The following DIS3L2 variants were observed in gnomAD, a reference collection of about 807,000 sequenced individuals.
DIS3L2 encodes DIS3 like 3'-5' exoribonuclease 2.
DIS3L2 carries 34 observed loss-of-function variants against 97.5 expected under a neutral mutation model. The observed-to-expected ratio is 0.35, with a 90% CI of 0.27 to 0.46. DIS3L2 has a LOEUF of 0.46. DIS3L2 is among the 20% of genes least tolerant of loss of function. The pLI, the probability that DIS3L2 is intolerant of heterozygous loss-of-function variation, is 1.00. For missense variants in DIS3L2, 1,038 were observed against 1,146.0 expected (o/e 0.91, Z 1.36); for synonymous variants, 435 against 445.2 (o/e 0.98, Z 0.29).
intron 5 of DIS3L2, among the ~76,000 whole-genome samples, chr2:232,079,067 T>C (rs997302655): frequency 1.3e-5 from 2 of 152,228 alleles, no homozygotes; most frequent in African/African-American, 4.8e-5. Flanking sequence ...CATGGGCACT[T>C]CATGGAGTTT....
intron 8 of DIS3L2, 114 bp from the exon 9 acceptor site, chr2:232,163,345 G>T: frequency 1.0e-6 from 1 of 1,003,382 alleles, no homozygotes; most frequent in Non-Finnish European, 1.4e-6. Context: ...GTTTCTACTG[G>T]TGGAAGGGCA....
intron 5 of DIS3L2, among the ~76,000 whole-genome samples, chr2:232,085,270 C>A (rs552180731): frequency 5.3e-5 from 8 of 152,112 alleles, no homozygotes; most frequent in Admixed American, 3.9e-4. Context: ...TATTTAATTG[C>A]GCTTCTCACT....
At chr2:232,231,306 T>G (rs1692785959) in intron 10 of DIS3L2, among the ~76,000 whole-genome samples, 1 of 152,158 alleles carries the variant, frequency 6.6e-6, no homozygotes. Context: ...ATGAGGTAAT[T>G]GAAAGCTAAA....
At chr2:232,230,950 T>C (rs1266679237) in intron 10 of DIS3L2, among the ~76,000 whole-genome samples, 6 of 152,134 alleles carry the variant, frequency 3.9e-5, no homozygotes, top group Non-Finnish European at 8.8e-5. Flanking sequence ...CTGCCTGGGA[T>C]GCTCTCCCCC....
At chr2:232,020,170 C>T (rs1320317528) in intron 3 of DIS3L2, among the ~76,000 whole-genome samples, 2 of 152,086 alleles carry the variant, frequency 1.3e-5, no homozygotes, top group East Asian at 3.9e-4. Flanking sequence ...TGTAGGGTCT[C>T]TAGGCTATGC....
intron 6 of DIS3L2, among the ~76,000 whole-genome samples, chr2:232,103,323 T>C (rs768771333): frequency 1.7e-4 from 26 of 152,192 alleles, no homozygotes; most frequent in Non-Finnish European, 5.9e-5. Flanking sequence ...TTAATGGGAA[T>C]GCTTCCAATA....
At chr2:232,073,427 A>C (rs1455285738) in intron 5 of DIS3L2, among the ~76,000 whole-genome samples, 2 of 152,180 alleles carry the variant, frequency 1.3e-5, no homozygotes, top group Non-Finnish European at 2.9e-5. Context: ...ACATGGGTAT[A>C]TGTGAATCTT....
At chr2:232,129,682 C>G (rs1698164437) in intron 6 of DIS3L2, among the ~76,000 whole-genome samples, 2 of 152,142 alleles carry the variant, frequency 1.3e-5, no homozygotes, top group Admixed American at 1.3e-4. Flanking sequence ...TGGCTTTAAG[C>G]TGAGTTTTTG....
chr2:231,981,563 A>G (rs1460269555), intron 1 of DIS3L2, among the ~76,000 whole-genome samples: 1 of 135,414 alleles, frequency 7.4e-6, no homozygotes, highest in Non-Finnish European at 1.6e-5. Flanking sequence ...CCTAACTGTA[A>G]TGGGAATGTC....
At chr2:231,987,881 C>G (rs1028561613) in intron 1 of DIS3L2, among the ~76,000 whole-genome samples, 32 of 152,024 alleles carry the variant, frequency 2.1e-4, no homozygotes, top group Middle Eastern at 3.4e-3. Context: ...CTCTTGTTGC[C>G]CAGGCTGGAG....
At chr2:231,992,031 G>A (rs1423496228) in intron 1 of DIS3L2, among the ~76,000 whole-genome samples, 1 of 152,170 alleles carries the variant, frequency 6.6e-6, no homozygotes, top group East Asian at 1.9e-4. Context: ...CTTTGCTGTG[G>A]TATGGTTGGG....
chr2:232,334,743 C>T lies in DIS3L2; in HGVS notation c.2394+8C>T, dbSNP rs1256421325. On this transcript the variant is annotated splice_region_variant and intron_variant, in intron 19 of 20. Coordinates refer to ENST00000325385, the MANE Select transcript of DIS3L2 (RefSeq NM_152383.5). Reference sequence around the variant, plus strand: ...AAGCGCATCTACTGCAACGTGAGTGCCCTGGGAGAGCCCGGGGGCGGGCAG... The same window carrying T: ...AAGCGCATCTACTGCAACGTGAGTGTCCTGGGAGAGCCCGGGGGCGGGCAG... 8.1e-6 allele frequency: 13 copies of T among 1,597,730 alleles called. No homozygotes were observed. Among genetic ancestry groups the T allele is most frequent in the Non-Finnish European group, 8.5e-6 (10 of 1,172,894 alleles).
chr2:232,127,155 T>C (rs530790326), intron 6 of DIS3L2, among the ~76,000 whole-genome samples: 3 of 152,208 alleles, frequency 2.0e-5, no homozygotes. Context: ...TTTCTCAGCA[T>C]ATAAACTGTT....
intron 9 of DIS3L2, among the ~76,000 whole-genome samples, chr2:232,181,626 T>TTTTTTTAA (rs1275377151): frequency 2.0e-5 from 3 of 152,020 alleles, no homozygotes; most frequent in Non-Finnish European, 2.9e-5. Flanking sequence ...GCCCGGCTAT[T>TTTTTTTAA]TTTTTTAATT....
chr2:232,336,217 G>C, intron 20 of DIS3L2: 2 of 1,537,766 alleles, frequency 1.3e-6, no homozygotes, highest in African/African-American at 1.4e-5. Context: ...CCAACAGTGT[G>C]CCCTGAACGC....
chr2:232,139,517 T>C (rs2880323), intron 8 of DIS3L2, among the ~76,000 whole-genome samples: 121,731 of 152,080 alleles, frequency 0.8, 49,288 homozygotes, highest in African/African-American at 0.9. Flanking sequence ...GTCCCATCCA[T>C]GACTCACACC....
intron 10 of DIS3L2, among the ~76,000 whole-genome samples, chr2:232,215,202 C>T (rs1245394163): frequency 6.6e-6 from 1 of 152,126 alleles, no homozygotes; most frequent in South Asian, 2.1e-4. Flanking sequence ...TTATGGAATG[C>T]CCAGCTGGCT....
chr2:232,274,998 G>A (rs923196171), intron 13 of DIS3L2, among the ~76,000 whole-genome samples: 2 of 152,054 alleles, frequency 1.3e-5, no homozygotes, highest in Admixed American at 6.6e-5. Flanking sequence ...CCAGCCTTTG[G>A]GGGCCTCTGT....
At chr2:232,143,220 T>C (rs1690117907) in intron 8 of DIS3L2, among the ~76,000 whole-genome samples, 1 of 152,128 alleles carries the variant, frequency 6.6e-6, no homozygotes, top group African/African-American at 2.4e-5. Context: ...AATAGGCATA[T>C]CACCCAGGAT....
Sources: gnomAD v4.1 joint callset for allele counts (sites outside exome capture counted in the v4.1 genomes callset) on GRCh38, gnomAD v4.1.1 for gene constraint, MANE v1.5 for transcripts, NCBI Gene and HGNC (gene_info 2026-07-23, HGNC 2026-07-21) for gene names.